The following INO80 variants were observed in gnomAD, a reference collection of about 807,000 sequenced individuals.
INO80 encodes chromatin-remodeling ATPase INO80.
A neutral mutation model predicts 203.4 loss-of-function variants in INO80; 20 were observed. The observed-to-expected ratio is 0.10, with a 90% CI of 0.07 to 0.14. INO80 has a LOEUF of 0.14. Among genes scored for constraint, INO80 ranks in the 10% least tolerant of loss-of-function variants. The pLI is 1.00. For missense variants in INO80, 1,419 were observed against 1,914.4 expected (o/e 0.74, Z 4.83); for synonymous variants, 726 against 685.2 (o/e 1.06, Z -0.93).
intron 8 of INO80, 96 bp from the exon 9 acceptor site, chr15:41,080,000 C>T (rs1451756731): frequency 9.5e-7 from 1 of 1,050,114 alleles, no homozygotes; most frequent in Non-Finnish European, 1.5e-6. Flanking sequence ...TCTGTTCAGC[C>T]AAACTGTCAT....
chr15:41,079,574 CAA>C (rs57754557), intron 9 of INO80, 125 bp downstream of exon 9: 4,351 of 632,586 alleles, frequency 6.9e-3, no homozygotes, highest in East Asian at 8.2e-3. Flanking sequence ...GCATCTCTAC[CAA>C]AAAAAAAAAA....
At chr15:41,108,348 G>A (rs2045911303) in intron 1 of INO80, among the ~76,000 whole-genome samples, 1 of 152,096 alleles carries the variant, frequency 6.6e-6, no homozygotes, top group South Asian at 2.1e-4. Flanking sequence ...CCAGCACTTT[G>A]GGAGGCCGAG....
chr15:41,091,205 T>G (rs1212069550), intron 5 of INO80, among the ~76,000 whole-genome samples: 2 of 152,180 alleles, frequency 1.3e-5, no homozygotes, highest in African/African-American at 4.8e-5. Flanking sequence ...ATTACAGGCG[T>G]GAGTCACTGC....
intron 9 of INO80, 59 bp from the exon 10 acceptor site, chr15:41,074,624 C>A: frequency 1.8e-6 from 2 of 1,101,828 alleles, no homozygotes; most frequent in South Asian, 3.1e-5. Flanking sequence ...AAGAAGTAGT[C>A]CAGAATTCAC....
intron 24 of INO80, among the ~76,000 whole-genome samples, chr15:41,028,771 G>A (rs2044414534): frequency 1.3e-5 from 2 of 152,066 alleles, no homozygotes; most frequent in South Asian, 2.1e-4. Context: ...CAGGGGAATC[G>A]TTTGAACCCA....
At chr15:40,997,768 C>T (rs577722111) in intron 28 of INO80, 167 bp from the exon 29 acceptor site, 2 of 515,810 alleles carry the variant, frequency 3.9e-6, no homozygotes, top group Non-Finnish European at 7.1e-6. Flanking sequence ...CAATGTTGCT[C>T]TGTTGTTACA....
intron 27 of INO80, among the ~76,000 whole-genome samples, chr15:41,012,042 T>G (rs1265044155): frequency 6.6e-6 from 1 of 152,182 alleles, no homozygotes; most frequent in African/African-American, 2.4e-5. Context: ...CCTATTTCCT[T>G]AAACTACAAA....
chr15:41,001,082 A>G (rs1181612413), intron 28 of INO80, among the ~76,000 whole-genome samples: 1 of 152,208 alleles, frequency 6.6e-6, no homozygotes, highest in Non-Finnish European at 1.5e-5. Context: ...TCTAAATCAA[A>G]CTACTAAGAA....
At position 40,987,212 on chromosome 15, in the gene INO80, A is replaced by G. The variant is rs1403809928; in HGVS notation, c.3730-19T>C. ...GCTGAATCTACACCAAAGCAGATCA[A>G]AATGTCACCTCCAGGCATCCATTCC... On this transcript the variant is annotated intron_variant, in intron 30 of 35. Coordinates refer to ENST00000648947, the MANE Select transcript of INO80 (RefSeq NM_017553.3). 3 of 1,425,138 alleles carry G rather than the reference A, an allele frequency of 2.1e-6. No individual in the cohort carries two copies. Among genetic ancestry groups the G allele is most frequent in the East Asian group, 4.5e-5 (2 of 44,018 alleles). The allele number at this position is 1,425,138 out of a possible 1,614,324, so 88.3% of individuals were successfully genotyped here.
chr15:41,052,305 C>G (rs569914177), intron 19 of INO80, among the ~76,000 whole-genome samples: 1 of 151,986 alleles, frequency 6.6e-6, no homozygotes, highest in Non-Finnish European at 1.5e-5. Flanking sequence ...AACTACCCAT[C>G]AAGATTTTGA....
intron 12 of INO80, among the ~76,000 whole-genome samples, chr15:41,071,581 A>C (rs1596309068): frequency 1.3e-5 from 2 of 151,258 alleles, no homozygotes; most frequent in East Asian, 3.9e-4. Context: ...CAGCCTCCCA[A>C]GTAGCTGGGA....
chr15:41,027,435 G>C (rs1340509679), intron 25 of INO80, among the ~76,000 whole-genome samples, 161 bp downstream of exon 25: 1 of 152,180 alleles, frequency 6.6e-6, no homozygotes, highest in African/African-American at 2.4e-5. Context: ...GTCTGGGGCA[G>C]GCCAGAATCA....
At chr15:41,016,352 G>A in intron 26 of INO80, 137 bp from the exon 27 acceptor site, 2 of 819,226 alleles carry the variant, frequency 2.4e-6, no homozygotes, top group South Asian at 1.9e-5. Context: ...TGCTCTAAAG[G>A]GAGAATGCAA....
intron 1 of INO80, among the ~76,000 whole-genome samples, chr15:41,114,797 G>A (rs1566955291): frequency 6.6e-6 from 1 of 151,848 alleles, no homozygotes; most frequent in African/African-American, 2.4e-5. Flanking sequence ...AACAAACTAG[G>A]CAAAGAAAGA....
At position 41,074,585 on chromosome 15, in the gene INO80, A is replaced by C. The variant is rs1362571463; in HGVS notation, c.1132-20T>G. ...CTTGGCCTAAAGAGGGAAAAAAGTG[A>C]AAACAGAGCCAAATTATCAATGATA... On this transcript the variant is annotated intron_variant, in intron 9 of 35. Transcript: ENST00000648947. 6.5e-7 allele frequency: 1 copy of C among 1,546,194 alleles called. No individual in the cohort carries two copies. The highest frequency in any genetic ancestry group is 1.9e-5 in the Admixed American group (1 of 53,244).
chr15:41,114,988 TTAA>T (rs2140727442), intron 1 of INO80, among the ~76,000 whole-genome samples: 1 of 152,258 alleles, frequency 6.6e-6, no homozygotes, highest in East Asian at 1.9e-4. Flanking sequence ...AGAAAATTAC[TTAA>T]TTATACGCTT....
chr15:41,013,608 AT>A (rs1476894648), intron 27 of INO80, among the ~76,000 whole-genome samples: 3 of 152,196 alleles, frequency 2.0e-5, no homozygotes, highest in Non-Finnish European at 2.9e-5. Context: ...ATTAAATTCT[AT>A]TTCAGTACTA....
chr15:41,053,377 T>C (rs1228548986), intron 19 of INO80, among the ~76,000 whole-genome samples: 1 of 152,140 alleles, frequency 6.6e-6, no homozygotes, highest in Non-Finnish European at 1.5e-5. Flanking sequence ...AGTGCTGGGA[T>C]TACAGGCATG....
chr15:41,044,771 T>C (rs1339799630), intron 24 of INO80, 133 bp downstream of exon 24: 1 of 672,654 alleles, frequency 1.5e-6, no homozygotes, highest in Non-Finnish European at 2.5e-6. Flanking sequence ...GAACTCAATA[T>C]GCTGCACCGC....
Sources: allele counts gnomAD v4.1 joint callset (sites outside exome capture counted in the v4.1 genomes callset), GRCh38; gene constraint gnomAD v4.1.1; transcripts MANE v1.5; gene names NCBI Gene and HGNC (gene_info 2026-07-23, HGNC 2026-07-21).